The following ASH1L variants were observed in gnomAD, a reference collection of about 807,000 sequenced individuals.
The protein encoded by ASH1L is ASH1 like histone lysine methyltransferase.
Under a neutral mutation model 269.0 loss-of-function variants are expected in ASH1L, and 23 were observed. The ratio of observed to expected loss-of-function variants is 0.09; its 90% confidence interval spans 0.06 to 0.12. The LOEUF is 0.12. Ranked by LOEUF, ASH1L falls within the 10% of genes least tolerant of loss-of-function variation. ASH1L has a pLI of 1.00. For synonymous variants in ASH1L, 1,187 were observed against 1,253.5 expected (o/e 0.95, Z 1.12); for missense variants, 2,912 against 3,567.8 (o/e 0.82, Z 4.68).
At chr1:155,408,306 C>A (rs1359129201) in intron 6 of ASH1L, among the ~76,000 whole-genome samples, 1 of 152,078 alleles carries the variant, frequency 6.6e-6, no homozygotes, top group African/African-American at 2.4e-5. Context: ...TCTTCAACAG[C>A]AATATAAAAT....
rs189275752 is a variant in ASH1L at position 155,428,901 on chromosome 1, G to C, written c.5828+9426C>G. On this transcript the variant is annotated intron_variant, in intron 5 of 27. Coordinates refer to ENST00000392403, the MANE Select transcript of ASH1L (RefSeq NM_018489.3). ...CTGTTCGGGGCTCTCAGCTCTGAAG[G>C]CTGTGAGACCCGATTTCCCACTTCA... 3.6e-3 allele frequency among the ~76,000 whole-genome samples: 554 copies of C among 152,238 alleles called. 4 individuals are homozygous for C. Among genetic ancestry groups the C allele is most frequent in the African/African-American group, 0.013 (536 of 41,542 alleles).
chr1:155,477,161 C>T (rs551947930), intron 3 of ASH1L, among the ~76,000 whole-genome samples: 8 of 152,196 alleles, frequency 5.3e-5, no homozygotes, highest in African/African-American at 1.7e-4. Flanking sequence ...ATCTTTTATT[C>T]GAGTGGCAAA....
chr1:155,404,375 A>C (rs1029939685), intron 6 of ASH1L, among the ~76,000 whole-genome samples: 7 of 152,082 alleles, frequency 4.6e-5, no homozygotes, highest in Non-Finnish European at 1.0e-4. Context: ...AAAATCCAGA[A>C]GCAATTTAAA....
intron 1 of ASH1L, among the ~76,000 whole-genome samples, chr1:155,552,466 C>CA (rs931329451): frequency 1.1e-4 from 17 of 149,466 alleles, no homozygotes; most frequent in South Asian, 6.4e-4. Flanking sequence ...GACTCTGTCT[C>CA]AAAAAAAACA....
At chr1:155,435,456 C>A (rs1217469496) in intron 5 of ASH1L, among the ~76,000 whole-genome samples, 1 of 152,014 alleles carries the variant, frequency 6.6e-6, no homozygotes, top group Non-Finnish European at 1.5e-5. Context: ...ATAGCGTTAT[C>A]CATGGAGAGA....
intron 10 of ASH1L, among the ~76,000 whole-genome samples, chr1:155,377,580 A>C (rs1482397942): frequency 1.3e-5 from 2 of 151,440 alleles, no homozygotes; most frequent in African/African-American, 4.9e-5. Flanking sequence ...AAACAAAACA[A>C]AACAAAACAA....
chr1:155,476,552 G>GT (rs1558144021), intron 3 of ASH1L, among the ~76,000 whole-genome samples: 1 of 150,684 alleles, frequency 6.6e-6, no homozygotes, highest in African/African-American at 2.4e-5. Context: ...GTCTTTTTTT[G>GT]TTTTTTGTTT....
chr1:155,426,401 C>A (rs1490719807), intron 5 of ASH1L, among the ~76,000 whole-genome samples: 1 of 152,000 alleles, frequency 6.6e-6, no homozygotes, highest in Non-Finnish European at 1.5e-5. Context: ...CGGGGTTTCA[C>A]CGTGTTAGCC....
intron 7 of ASH1L, among the ~76,000 whole-genome samples, chr1:155,386,143 C>T (rs1463827688): frequency 6.6e-6 from 1 of 151,554 alleles, no homozygotes; most frequent in Non-Finnish European, 1.5e-5. Context: ...TCTCAGCTCA[C>T]TGCAACCTGT....
intron 3 of ASH1L, among the ~76,000 whole-genome samples, chr1:155,468,562 T>C (rs1427897916): frequency 3.3e-5 from 5 of 152,216 alleles, no homozygotes; most frequent in Admixed American, 2.0e-4. Flanking sequence ...TTTATAGATA[T>C]TGACTTTATT....
chr1:155,426,752 C>T (rs1295596574), intron 5 of ASH1L, among the ~76,000 whole-genome samples: 1 of 152,036 alleles, frequency 6.6e-6, no homozygotes, highest in East Asian at 1.9e-4. Flanking sequence ...TATGTATCCA[C>T]AAAAAATAAA....
intron 19 of ASH1L, 35 bp downstream of exon 19, chr1:155,349,292 A>T: frequency 6.3e-7 from 1 of 1,592,030 alleles, no homozygotes; most frequent in Admixed American, 1.7e-5. Flanking sequence ...TTCAGAACAA[A>T]CTTGTGAAAT....
rs1046539314 is a variant in ASH1L, at chr1:155,343,652, C to A, written c.8072G>T (p.Arg2691Leu). The part of the protein sequence containing the change: ...QSYRLLSHIN[R>L]DKLDIFRIEK... ...AATGCGAAAGATGTCAAGTTTATCTCGGTTAATGTGAGATAACAGTCGATA... is the reference window on the plus strand; with the variant it reads ...AATGCGAAAGATGTCAAGTTTATCTAGGTTAATGTGAGATAACAGTCGATA... Residue 2691 changes from arginine to leucine, a missense_variant, in exon 23 of 28, where the codon CGA becomes CTA. Arg to Leu is a moderately radical substitution (Grantham distance 102). Around this residue, in one of 13 missense-constraint regions of ASH1L, gnomAD observed 179 missense variants for 293.8 expected, o/e 0.61. Coordinates refer to ENST00000392403, the MANE Select transcript of ASH1L (RefSeq NM_018489.3). The surrounding 1 kb of genome is among the most constrained non-coding windows in gnomAD (Gnocchi z 6.1). 1 of 1,614,138 alleles carries A rather than the reference C, an allele frequency of 6.2e-7. No homozygotes were observed. Among genetic ancestry groups the A allele is most frequent in the South Asian group, 1.1e-5 (1 of 91,080 alleles).
In ASH1L at chr1:155,478,468, T is replaced by C; in HGVS notation, c.4402A>G (p.Ser1468Gly). Residue 1468 changes from serine (S) to glycine (G), a missense_variant, in exon 3 of 28, where the codon AGT (serine) becomes GGT (glycine). By Grantham distance (56) the Ser-to-Gly change is moderately conservative. Coordinates refer to ENST00000392403, the MANE Select transcript of ASH1L (RefSeq NM_018489.3). The surrounding 1 kb of genome is among the most constrained non-coding windows in gnomAD (Gnocchi z 4.6). Reference sequence around the variant, plus strand: ...CCATAGGCCATCTCAGGAGGAACACTGGGGTAGGTACTCATGGAAAGGAGG... The same window carrying C: ...CCATAGGCCATCTCAGGAGGAACACCGGGGTAGGTACTCATGGAAAGGAGG... ...TPLLSMSTYP[S>G]VPPEMAYGWM... The C allele has an allele frequency of 6.2e-7, 1 of 1,614,100 alleles. No homozygotes were observed. The highest frequency in any genetic ancestry group is 2.2e-5 in the East Asian group (1 of 44,880).
At chr1:155,530,128 T>C (rs1669560799) in intron 1 of ASH1L, among the ~76,000 whole-genome samples, 1 of 152,128 alleles carries the variant, frequency 6.6e-6, no homozygotes, top group Non-Finnish European at 1.5e-5. Context: ...TTCGTATCTT[T>C]GTCTAAACGT....
intron 5 of ASH1L, among the ~76,000 whole-genome samples, chr1:155,428,378 G>A (rs911106203): frequency 3.3e-5 from 5 of 151,838 alleles, no homozygotes; most frequent in Non-Finnish European, 7.4e-5. Context: ...GGAGATGGAG[G>A]TTGCAGTAAG....
At chr1:155,395,365 A>T (rs1658257787) in intron 7 of ASH1L, 94 bp downstream of exon 7, 1 of 928,458 alleles carries the variant, frequency 1.1e-6, no homozygotes, top group Admixed American at 3.1e-5. Context: ...CCACTGGAGA[A>T]ATAGAAATAA....
chr1:155,510,911 T>A (rs1668119739), intron 2 of ASH1L, among the ~76,000 whole-genome samples: 1 of 152,132 alleles, frequency 6.6e-6, no homozygotes, highest in Non-Finnish European at 1.5e-5. Context: ...TAATTAACTT[T>A]TATATAGCAA....
chr1:155,451,771 G>A (rs1663491753), intron 4 of ASH1L, among the ~76,000 whole-genome samples: 1 of 152,112 alleles, frequency 6.6e-6, no homozygotes, highest in South Asian at 2.1e-4. Flanking sequence ...TCCTAGGCTG[G>A]AGTGCACTGG....
Sources: gnomAD v4.1 joint callset for allele counts (sites outside exome capture counted in the v4.1 genomes callset) on GRCh38, gnomAD v4.1.1 for gene constraint, gnomAD v4.1.1 regional missense constraint, Gnocchi (gnomAD v3.1) non-coding constraint, MANE v1.5 for transcripts, NCBI Gene and HGNC (gene_info 2026-07-23, HGNC 2026-07-21) for gene names.